FYN: variants seen among roughly 807,000 people sequenced by gnomAD.
FYN encodes the protein FYN proto-oncogene, Src family tyrosine kinase, also known as tyrosine-protein kinase Fyn.
A neutral mutation model predicts 70.2 loss-of-function variants in FYN; 10 were observed. The ratio of observed to expected loss-of-function variants is 0.14; its 90% confidence interval spans 0.09 to 0.24. The LOEUF (loss-of-function observed/expected upper bound fraction) is 0.24, where lower values mean the gene tolerates loss of function less well. FYN is among the 10% of genes least tolerant of loss of function. The probability of loss-of-function intolerance (pLI) is 1.00; values close to 1 mark genes in which losing one functional copy is unlikely to be tolerated. For missense variants in FYN, 319 were observed against 673.1 expected (o/e 0.47, Z 5.82); for synonymous variants, 236 against 248.6 (o/e 0.95, Z 0.48).
chr6:111,711,932 C>G (rs1441917507), intron 5 of FYN, among the ~76,000 whole-genome samples: 2 of 152,134 alleles, frequency 1.3e-5, no homozygotes, highest in African/African-American at 4.8e-5. Context: ...AAAGGAAGAA[C>G]ATTAAGAGGA....
chr6:111,688,030 C>A (rs887628719), intron 12 of FYN, among the ~76,000 whole-genome samples: 4 of 151,930 alleles, frequency 2.6e-5, no homozygotes, highest in Non-Finnish European at 4.4e-5. Flanking sequence ...CCAAAAAAAA[C>A]CCAAAAAACA....
At chr6:111,822,013 C>T (rs1772680360) in intron 2 of FYN, among the ~76,000 whole-genome samples, 1 of 152,152 alleles carries the variant, frequency 6.6e-6, no homozygotes, top group African/African-American at 2.4e-5. Context: ...GAAATAGGAA[C>T]ACTTTTACAC....
At chr6:111,780,877 T>A (rs913201549) in intron 2 of FYN, among the ~76,000 whole-genome samples, 3 of 152,204 alleles carry the variant, frequency 2.0e-5, no homozygotes, top group Non-Finnish European at 4.4e-5. Context: ...CCAGAAACTA[T>A]GCTTATAAAT....
chr6:111,700,449 T>C (rs1018959928), intron 8 of FYN, among the ~76,000 whole-genome samples, 181 bp from the exon 9 acceptor site: 5 of 152,076 alleles, frequency 3.3e-5, no homozygotes, highest in Non-Finnish European at 5.9e-5. Context: ...TAAACAGCGC[T>C]ACACCAGCAG....
chr6:111,664,110 T>C (rs1347792042), intron 13 of FYN, among the ~76,000 whole-genome samples: 2 of 152,186 alleles, frequency 1.3e-5, no homozygotes, highest in East Asian at 1.9e-4. Context: ...TTAGGAAGAG[T>C]GTGTAATCAC....
chr6:111,670,960 T>C (rs1798237464), intron 13 of FYN, among the ~76,000 whole-genome samples: 1 of 152,350 alleles, frequency 6.6e-6, no homozygotes, highest in East Asian at 1.9e-4. Context: ...AGTTCTAATC[T>C]TGAAGTAAAG....
At chr6:111,789,979 G>A (rs902068815) in intron 2 of FYN, among the ~76,000 whole-genome samples, 12 of 152,288 alleles carry the variant, frequency 7.9e-5, no homozygotes, top group African/African-American at 2.6e-4. Flanking sequence ...TGTGTGCAGA[G>A]CCCCTTGAGT....
intron 9 of FYN, 47 bp from the exon 10 acceptor site, chr6:111,696,503 A>G: frequency 6.2e-6 from 9 of 1,456,596 alleles, no homozygotes; most frequent in Non-Finnish European, 7.4e-6. Flanking sequence ...TCTTCTTTTG[A>G]TGGAAAAAGG....
intron 12 of FYN, among the ~76,000 whole-genome samples, chr6:111,689,900 GT>G (rs1409070306): frequency 1.3e-5 from 2 of 152,124 alleles, no homozygotes; most frequent in Non-Finnish European, 2.9e-5. Context: ...CTTCAGATTT[GT>G]TCGTTTTACT....
intron 3 of FYN, among the ~76,000 whole-genome samples, chr6:111,755,658 T>A (rs2128490526): frequency 1.3e-5 from 2 of 152,290 alleles, no homozygotes; most frequent in African/African-American, 4.8e-5. Context: ...GGAAATAGTA[T>A]CATACAAACA....
At chr6:111,693,733 C>G (rs1799452038) in intron 12 of FYN, among the ~76,000 whole-genome samples, 1 of 152,148 alleles carries the variant, frequency 6.6e-6, no homozygotes, top group South Asian at 2.1e-4. Flanking sequence ...TCTCCCTGCT[C>G]TGGACCCATA....
At chr6:111,807,373 T>C (rs1562528614) in intron 2 of FYN, among the ~76,000 whole-genome samples, 1 of 152,200 alleles carries the variant, frequency 6.6e-6, no homozygotes, top group Admixed American at 6.5e-5. Flanking sequence ...CTCCTGCTAA[T>C]GGATCAGTTC....
intron 12 of FYN, among the ~76,000 whole-genome samples, chr6:111,689,404 G>A (rs901128194): frequency 1.3e-5 from 2 of 152,222 alleles, no homozygotes; most frequent in Non-Finnish European, 2.9e-5. Flanking sequence ...CTGTTAGGCA[G>A]TAACTGCAAT....
rs1583295014 is a variant in FYN, at chr6:111,678,015, T to C, written c.1274-3385A>G. Reference sequence around the variant, plus strand: ...GTACTTGTTCCATGTTTACATGAATTCAAAAAAAGAAGTGACCACTCTGTC... The same window carrying C: ...GTACTTGTTCCATGTTTACATGAATCCAAAAAAAGAAGTGACCACTCTGTC... On this transcript the variant is annotated intron_variant, in intron 12 of 13. Transcript: ENST00000354650. Among the ~76,000 whole-genome samples, 3 of 151,904 alleles carry C rather than the reference T, an allele frequency of 2.0e-5. No homozygotes were observed. In the South Asian group the frequency reaches 6.2e-4, roughly 32 times the overall value.
At chr6:111,666,408 C>T (rs994002029) in intron 13 of FYN, among the ~76,000 whole-genome samples, 3 of 152,066 alleles carry the variant, frequency 2.0e-5, no homozygotes, top group Non-Finnish European at 4.4e-5. Flanking sequence ...AGCACAGAGG[C>T]CACTGCCCAA....
intron 9 of FYN, chr6:111,699,552 C>T: frequency 6.2e-7 from 1 of 1,614,158 alleles, no homozygotes. Context: ...GACCCAGCTT[C>T]TTCTCCAGAC....
intron 3 of FYN, among the ~76,000 whole-genome samples, chr6:111,747,707 C>T (rs1379584072): frequency 2.6e-5 from 4 of 152,132 alleles, no homozygotes; most frequent in African/African-American, 9.7e-5. Flanking sequence ...CTGGGTGGAG[C>T]CGGATTCAAT....
chr6:111,758,226 G>C (rs1022325153), intron 3 of FYN, among the ~76,000 whole-genome samples: 2 of 152,144 alleles, frequency 1.3e-5, no homozygotes, highest in Non-Finnish European at 2.9e-5. Flanking sequence ...TAAATTTAGT[G>C]ACTAAAAAAT....
chr6:111,707,227 G>T (rs1192622241), intron 6 of FYN, among the ~76,000 whole-genome samples: 1 of 152,220 alleles, frequency 6.6e-6, no homozygotes, highest in African/African-American at 2.4e-5. Context: ...GCCACTGGCA[G>T]TTCTTCCCCT....
Sources: gnomAD v4.1 joint callset for allele counts (sites outside exome capture counted in the v4.1 genomes callset) on GRCh38, gnomAD v4.1.1 for gene constraint, MANE v1.5 for transcripts, NCBI Gene and HGNC (gene_info 2026-07-23, HGNC 2026-07-21) for gene names.